Variants in VPS53 observed in about 807,000 individuals in gnomAD.
VPS53 encodes vacuolar protein sorting-associated protein 53 homolog.
In VPS53, 70 loss-of-function variants were observed where a neutral mutation model predicts 107.0. That is an observed-to-expected ratio of 0.65 (90% CI 0.54 to 0.80). The LOEUF is 0.80. Ranked by LOEUF, VPS53 falls within the 30% of genes least tolerant of loss-of-function variation. The probability of loss-of-function intolerance (pLI) is 0.00; values close to 1 mark genes in which losing one functional copy is unlikely to be tolerated. For missense variants in VPS53, 917 were observed against 1,049.4 expected (o/e 0.87, Z 1.74); for synonymous variants, 409 against 393.3 (o/e 1.04, Z -0.47).
chr17:626,030 C>CT (rs1419395321), intron 10 of VPS53, among the ~76,000 whole-genome samples: 1 of 152,098 alleles, frequency 6.6e-6, no homozygotes, highest in African/African-American at 2.4e-5. Context: ...CAGCAAAACT[C>CT]TTGTCTCTAC....
chr17:571,244 AG>A (rs1914019176), intron 13 of VPS53, among the ~76,000 whole-genome samples: 1 of 25,238 alleles, frequency 4.0e-5, no homozygotes, highest in Admixed American at 6.2e-4. Context: ...AGAGGAAGGG[AG>A]GGGAGGGGTG....
chr17:625,993 A>T (rs59303440), intron 10 of VPS53, among the ~76,000 whole-genome samples: 4,357 of 152,304 alleles, frequency 0.029, 76 homozygotes, highest in East Asian at 0.07. Flanking sequence ...AAAGAATAAA[A>T]GGAGTTCAAG....
intron 17 of VPS53, among the ~76,000 whole-genome samples, chr17:544,043 A>G (rs60980459): frequency 0.041 from 4,631 of 111,890 alleles, 167 homozygotes; most frequent in African/African-American, 0.14. Flanking sequence ...GGGAGGGAGG[A>G]AGGGAGGAAG....
intron 4 of VPS53, among the ~76,000 whole-genome samples, chr17:671,237 AAAGAAAG>A (rs939727982): frequency 1.1e-4 from 8 of 74,260 alleles, no homozygotes; most frequent in Non-Finnish European, 2.4e-4. Context: ...AAAGAAAAGA[AAAGAAAG>A]AAGAAAGGAA....
chr17:619,378 T>C (rs370772022), intron 11 of VPS53, among the ~76,000 whole-genome samples: 1,850 of 42,492 alleles, frequency 0.044, no homozygotes, highest in Middle Eastern at 0.088. Flanking sequence ...CGCACCACCA[T>C]GCCCCGCTAA....
chr17:708,653 G>A (rs1010941916), intron 2 of VPS53, among the ~76,000 whole-genome samples: 2 of 152,064 alleles, frequency 1.3e-5, no homozygotes, highest in Admixed American at 1.3e-4. Context: ...TTCACAGTCC[G>A]CTAAGTAACG....
At chr17:572,053 G>C (rs1914153314) in intron 13 of VPS53, among the ~76,000 whole-genome samples, 2 of 151,108 alleles carry the variant, frequency 1.3e-5, no homozygotes. Context: ...AGTCCGGAAA[G>C]TGAGGAGCGT....
In VPS53 at chr17:699,372, C is replaced by T. The variant is rs201263267; in HGVS notation, c.177G>A (p.Ala59=). 2.9e-4 allele frequency: 451 copies of T among 1,568,438 alleles called. No homozygotes were observed. The highest frequency in any genetic ancestry group is 1.5e-3 in the Admixed American group (75 of 51,046). The change falls in exon 3 of 22, where the codon GCG becomes GCA. Residue 59 remains alanine, a synonymous_variant. Coordinates refer to ENST00000437048, the MANE Select transcript of VPS53 (RefSeq NM_001128159.3). Reference sequence around the variant, plus strand: ...TTTTGTTCACGACTTCGTCTATGTTCGCCAGAGACTACAATAAAGAAGGAA... The same window carrying T: ...TTTTGTTCACGACTTCGTCTATGTTTGCCAGAGACTACAATAAAGAAGGAA... ...NTLFPTEQSL[A]NIDEVVNKIR...
chr17:661,715 G>A, intron 5 of VPS53, 94 bp downstream of exon 5: 1 of 1,210,438 alleles, frequency 8.3e-7, no homozygotes, highest in Non-Finnish European at 1.2e-6. Flanking sequence ...GGCAGGAGGT[G>A]CCATTATTAG....
chr17:659,527 CT>C (rs1379010583), intron 5 of VPS53, among the ~76,000 whole-genome samples: 9 of 152,104 alleles, frequency 5.9e-5, no homozygotes, highest in Admixed American at 3.3e-4. Context: ...GTGATCCCCC[CT>C]CCTTGGCCTC....
chr17:535,414 C>T (rs1022902190), intron 18 of VPS53, among the ~76,000 whole-genome samples: 2 of 135,918 alleles, frequency 1.5e-5, no homozygotes, highest in African/African-American at 5.0e-5. Flanking sequence ...TCAACGGACT[C>T]CTCCTTCGCT....
chr17:665,434 T>C (rs1296920785), intron 4 of VPS53, among the ~76,000 whole-genome samples: 1 of 152,234 alleles, frequency 6.6e-6, no homozygotes, highest in Non-Finnish European at 1.5e-5. Flanking sequence ...AATGATTCAG[T>C]CTGTACTATT....
intron 12 of VPS53, among the ~76,000 whole-genome samples, chr17:593,780 A>ACCATTTGACCCAGCAATC (rs1258273324): frequency 2.0e-5 from 3 of 152,156 alleles, no homozygotes; most frequent in Non-Finnish European, 2.9e-5. Flanking sequence ...AACTAGAAAT[A>ACCATTTGACCCAGCAATC]CCATTTGACC....
At chr17:619,451 A>G (rs1283386420) in intron 11 of VPS53, among the ~76,000 whole-genome samples, 1 of 142,640 alleles carries the variant, frequency 7.0e-6, no homozygotes. Context: ...TTTTCCGGGT[A>G]GCTGGGACTA....
intron 1 of VPS53, among the ~76,000 whole-genome samples, chr17:712,456 G>C (rs1224512764): frequency 6.6e-6 from 1 of 152,078 alleles, no homozygotes; most frequent in Non-Finnish European, 1.5e-5. Flanking sequence ...TGGGATTACA[G>C]GTGTGAGCCA....
At chr17:619,440 A>G (rs1969353844) in intron 11 of VPS53, among the ~76,000 whole-genome samples, 1 of 136,060 alleles carries the variant, frequency 7.3e-6, no homozygotes, top group East Asian at 2.3e-4. Context: ...CCCCACTAAT[A>G]TTTTCCGGGT....
intron 4 of VPS53, among the ~76,000 whole-genome samples, chr17:690,589 C>A (rs1398782237): frequency 6.6e-6 from 1 of 152,248 alleles, no homozygotes; most frequent in East Asian, 1.9e-4. Context: ...GCTTAGGTTA[C>A]TTTCCCAGCT....
intron 1 of VPS53, among the ~76,000 whole-genome samples, chr17:712,492 T>C (rs1973682860): frequency 6.6e-6 from 1 of 152,094 alleles, no homozygotes; most frequent in Non-Finnish European, 1.5e-5. Context: ...TTTCACCTTA[T>C]GCAATGACTC....
chr17:616,851 C>T (rs143019630), intron 11 of VPS53, among the ~76,000 whole-genome samples: 70 of 152,338 alleles, frequency 4.6e-4, no homozygotes, highest in African/African-American at 1.7e-3. Context: ...CCACTTTTGG[C>T]CTTTGGGGGA....
Sources: gnomAD v4.1 joint callset for allele counts (sites outside exome capture counted in the v4.1 genomes callset) on GRCh38, gnomAD v4.1.1 for gene constraint, MANE v1.5 for transcripts, NCBI Gene and HGNC (gene_info 2026-07-23, HGNC 2026-07-21) for gene names.